KCNQ5: variants seen among roughly 807,000 people sequenced by gnomAD.
KCNQ5 encodes potassium voltage-gated channel subfamily Q member 5.
KCNQ5 carries 30 observed loss-of-function variants against 98.2 expected under a neutral mutation model. That is an observed-to-expected ratio of 0.31 (90% CI 0.23 to 0.41). The LOEUF is 0.41. KCNQ5 is among the 10% of genes least tolerant of loss of function. KCNQ5 has a pLI of 1.00. For missense variants in KCNQ5, 835 were observed against 1,182.5 expected (o/e 0.71, Z 4.31); for synonymous variants, 458 against 449.4 (o/e 1.02, Z -0.24).
rs1582519751 is a variant in KCNQ5 at position 73,194,747 on chromosome 6, G to A, written c.2132G>A (p.Ser711Asn). The A allele has an allele frequency of 6.2e-7, 1 of 1,614,254 alleles. No homozygotes were observed. The highest frequency in any genetic ancestry group is 8.5e-7 in the Non-Finnish European group (1 of 1,180,044). ...TFYALSPTMHSQATQVPISQS... is the reference protein window; with the variant it reads ...TFYALSPTMHNQATQVPISQS... The stretch of plus-strand genomic sequence containing the variant: ...TACGCGCTTAGCCCTACTATGCACA[G>A]TCAAGCAACACAGGTGCCAATTAGT... Residue 711 changes from serine (S) to asparagine (N), a missense_variant, in exon 14 of 14, where the codon AGT becomes AAT. By Grantham distance (46) the Ser-to-Asn change is conservative. Around this residue, in one of 10 missense-constraint regions of KCNQ5, gnomAD observed 416 missense variants for 446.9 expected, o/e 0.93. Coordinates refer to ENST00000370398, the MANE Select transcript of KCNQ5 (RefSeq NM_019842.4).
At chr6:72,981,069 T>C (rs967719854) in intron 1 of KCNQ5, among the ~76,000 whole-genome samples, 3 of 152,254 alleles carry the variant, frequency 2.0e-5, no homozygotes, top group Admixed American at 1.3e-4. Context: ...GCCAGTATTT[T>C]ATTGAGGATT....
At chr6:73,165,389 G>C (rs1001985890) in intron 10 of KCNQ5, among the ~76,000 whole-genome samples, 2 of 152,114 alleles carry the variant, frequency 1.3e-5, no homozygotes, top group African/African-American at 2.4e-5. Context: ...CTTCAGTTTT[G>C]TCAGCCACCC....
At chr6:72,716,777 T>C (rs1769665911) in intron 1 of KCNQ5, among the ~76,000 whole-genome samples, 1 of 152,206 alleles carries the variant, frequency 6.6e-6, no homozygotes, top group African/African-American at 2.4e-5. Context: ...AGATTGTGTT[T>C]TCACAAAAGC....
At chr6:72,675,397 T>C (rs1292209889) in intron 1 of KCNQ5, among the ~76,000 whole-genome samples, 1 of 152,224 alleles carries the variant, frequency 6.6e-6, no homozygotes, top group African/African-American at 2.4e-5. Context: ...TTGTTCTAAT[T>C]TATCTTGGAA....
At chr6:72,730,296 A>G in intron 1 of KCNQ5, among the ~76,000 whole-genome samples, 1 of 152,196 alleles carries the variant, frequency 6.6e-6, no homozygotes, top group East Asian at 1.9e-4. Flanking sequence ...CTTATATTTT[A>G]AACAACTATT....
At chr6:73,031,639 T>C (rs1037394882) in intron 2 of KCNQ5, among the ~76,000 whole-genome samples, 5 of 152,094 alleles carry the variant, frequency 3.3e-5, no homozygotes, top group African/African-American at 1.2e-4. Flanking sequence ...ATTTTGTGAG[T>C]TTTCTAGTGG....
chr6:72,878,559 G>T (rs1778514902), intron 1 of KCNQ5, among the ~76,000 whole-genome samples: 1 of 152,064 alleles, frequency 6.6e-6, no homozygotes, highest in African/African-American at 2.4e-5. Flanking sequence ...AAGGAGTCCT[G>T]GCTGGGTACT....
At chr6:72,953,473 T>C (rs975305716) in intron 1 of KCNQ5, among the ~76,000 whole-genome samples, 2 of 152,238 alleles carry the variant, frequency 1.3e-5, no homozygotes, top group African/African-American at 2.4e-5. Flanking sequence ...AAATGTTTAA[T>C]GACTGAAACA....
intron 1 of KCNQ5, among the ~76,000 whole-genome samples, chr6:72,879,779 C>T (rs1036294862): frequency 1.3e-5 from 2 of 151,788 alleles, no homozygotes; most frequent in African/African-American, 4.8e-5. Flanking sequence ...TTTTTAAAGT[C>T]TAATTTATTT....
At chr6:72,859,962 CA>C (rs35054020) in intron 1 of KCNQ5, among the ~76,000 whole-genome samples, 4,036 of 137,166 alleles carry the variant, frequency 0.029, 60 homozygotes, top group Non-Finnish European at 0.035. Context: ...TCCTATTCAC[CA>C]AAAAAAAAAA....
chr6:72,949,628 A>G (rs1170833525), intron 1 of KCNQ5, among the ~76,000 whole-genome samples: 3 of 152,240 alleles, frequency 2.0e-5, no homozygotes, highest in African/African-American at 7.2e-5. Context: ...ATGTACTTCA[A>G]GCCAATATTT....
intron 7 of KCNQ5, among the ~76,000 whole-genome samples, chr6:73,115,837 G>C (rs1775468006): frequency 6.6e-6 from 1 of 152,146 alleles, no homozygotes. Context: ...AAGAAAACAA[G>C]AGATTCCGCA....
At chr6:72,779,010 G>A (rs765841556) in intron 1 of KCNQ5, among the ~76,000 whole-genome samples, 10 of 152,222 alleles carry the variant, frequency 6.6e-5, no homozygotes, top group Non-Finnish European at 1.3e-4. Context: ...CAGTAAGGTG[G>A]ATTGAGGAGT....
At chr6:72,665,444 A>G (rs1277647917) in intron 1 of KCNQ5, among the ~76,000 whole-genome samples, 1 of 152,048 alleles carries the variant, frequency 6.6e-6, no homozygotes, top group Non-Finnish European at 1.5e-5. Flanking sequence ...GTCTAAATCT[A>G]TTGTCATCAT....
At chr6:73,095,122 T>C (rs1304190104) in intron 5 of KCNQ5, among the ~76,000 whole-genome samples, 1 of 152,206 alleles carries the variant, frequency 6.6e-6, no homozygotes, top group African/African-American at 2.4e-5. Context: ...CGTATTTTCT[T>C]ATTCTTTTTT....
At chr6:72,963,082 A>C (rs1358816130) in intron 1 of KCNQ5, among the ~76,000 whole-genome samples, 1 of 152,242 alleles carries the variant, frequency 6.6e-6, no homozygotes, top group Non-Finnish European at 1.5e-5. Context: ...GTTAATTTAC[A>C]TATTTACAAA....
rs1765793174 is a variant in KCNQ5 at position 73,196,399 on chromosome 6, G to C, written c.*985G>C. 1 of 152,190 alleles carries C rather than the reference G, an allele frequency of 6.6e-6. No individual in the cohort carries two copies. Among genetic ancestry groups the C allele is most frequent in the Non-Finnish European group, 1.5e-5 (1 of 68,050 alleles). 9.4% of individuals were successfully genotyped at this position (152,190 alleles called of 1,614,324 possible). On this transcript the variant is annotated 3_prime_UTR_variant, in exon 14 of 14. Transcript: ENST00000370398. ...TGAAAAGAACCCAGAAACACCACCA[G>C]GAAGTTGGCAAAGTAAAAGAAAATG...
At chr6:72,678,082 T>C (rs1480879098) in intron 1 of KCNQ5, among the ~76,000 whole-genome samples, 1 of 152,208 alleles carries the variant, frequency 6.6e-6, no homozygotes, top group Admixed American at 6.5e-5. Flanking sequence ...GAATTACAAC[T>C]TGAATATTTT....
At chr6:72,840,397 A>G (rs1227750256) in intron 1 of KCNQ5, among the ~76,000 whole-genome samples, 1 of 152,136 alleles carries the variant, frequency 6.6e-6, no homozygotes, top group Admixed American at 6.5e-5. Context: ...ATAGCAAGAG[A>G]CTTGAGCGGA....
Sources: allele counts gnomAD v4.1 joint callset (sites outside exome capture counted in the v4.1 genomes callset), GRCh38; gene constraint gnomAD v4.1.1; regional missense constraint gnomAD v4.1.1; transcripts MANE v1.5; gene names NCBI Gene and HGNC (gene_info 2026-07-23, HGNC 2026-07-21).